MEAF6: variants seen among roughly 807,000 people sequenced by gnomAD.
MEAF6 encodes the protein chromatin modification-related protein MEAF6.
MEAF6 carries 15 observed loss-of-function variants against 28.9 expected under a neutral mutation model. The ratio of observed to expected loss-of-function variants is 0.52; its 90% CI spans 0.35 to 0.80. The LOEUF (loss-of-function observed/expected upper bound fraction) is 0.80, where lower values mean the gene tolerates loss of function less well. Among genes scored for constraint, MEAF6 ranks in the 30% least tolerant of loss-of-function variants. The pLI, the probability that MEAF6 is intolerant of heterozygous loss-of-function variation, is 0.01. For synonymous variants in MEAF6, 97 were observed against 88.7 expected (o/e 1.09, Z -0.53); for missense variants, 178 against 237.5 (o/e 0.75, Z 1.65).
At chr1:37,513,947 A>T in intron 1 of MEAF6, 1 of 219,160 alleles carries the variant, frequency 4.6e-6, no homozygotes, top group Non-Finnish European at 9.0e-6. Context: ...CAGGCTCAAG[A>T]GAGGCCGCCG....
intron 5 of MEAF6, chr1:37,496,506 A>G (rs1033877030): frequency 5.7e-6 from 6 of 1,060,742 alleles, no homozygotes; most frequent in Non-Finnish European, 7.7e-6. Flanking sequence ...ATAAAAGTGA[A>G]GTTTACTTAA....
chr1:37,510,871 T>C (rs542215228), intron 2 of MEAF6, among the ~76,000 whole-genome samples: 9 of 152,232 alleles, frequency 5.9e-5, no homozygotes, highest in South Asian at 4.2e-4. Context: ...TACAGGCATG[T>C]GCCACCACGT....
intron 2 of MEAF6, 96 bp downstream of exon 2, chr1:37,513,327 C>T: frequency 1.2e-6 from 1 of 844,962 alleles, no homozygotes; most frequent in South Asian, 1.5e-5. Flanking sequence ...CACTACTTTA[C>T]TACTGCCTCC....
intron 5 of MEAF6, chr1:37,496,483 G>T (rs1004307209): frequency 1.4e-4 from 118 of 849,848 alleles, no homozygotes; most frequent in Middle Eastern, 8.0e-4. Flanking sequence ...TATTTTAAAA[G>T]AAATTAAAAT....
At position 37,490,612 on chromosome 1, in the gene MEAF6, A is replaced by G. The variant is rs568403920; in HGVS notation, c.*3487T>C. Among the ~76,000 whole-genome samples the G allele has an allele frequency of 6.5e-4, 99 of 152,298 alleles. No individual in the cohort carries two copies. The highest frequency in any genetic ancestry group is 6.4e-3 in the Admixed American group (98 of 15,288). ...GCAGTGGCCATTCACAGAAATGATC[A>G]TAGCATACTGTAGCCTTGAACTTCT... On this transcript the variant is annotated 3_prime_UTR_variant, in exon 7 of 7. Transcript: ENST00000296214.
chr1:37,514,204 C>A (rs1161802222), intron 1 of MEAF6: 3 of 161,332 alleles, frequency 1.9e-5, no homozygotes, highest in Non-Finnish European at 1.3e-5. Context: ...GGATCTACTC[C>A]CAGTACCAAA....
At chr1:37,506,357 T>G (rs560064875) in intron 4 of MEAF6, among the ~76,000 whole-genome samples, 16 of 152,280 alleles carry the variant, frequency 1.1e-4, no homozygotes, top group African/African-American at 3.8e-4. Context: ...AACAAATATA[T>G]AAATTGGACT....
chr1:37,514,761 G>T lies in MEAF6; in HGVS notation c.-15C>A. ...TGCATCGCCATGTTGGGCTGAGGCG[G>T]GCGGCGGCGGCGCGAGGTTGGGGGC... On this transcript the variant is annotated 5_prime_UTR_variant, in exon 1 of 7. Transcript: ENST00000296214. 1 of 1,433,596 alleles carries T rather than the reference G, an allele frequency of 7.0e-7. No individual in the cohort carries two copies. The highest frequency in any genetic ancestry group is 9.2e-7 in the Non-Finnish European group (1 of 1,091,838). The allele number at this position is 1,433,596 out of a possible 1,614,324, so 88.8% of individuals were successfully genotyped here.
At chr1:37,510,276 T>G (rs1347154915) in intron 2 of MEAF6, among the ~76,000 whole-genome samples, 1 of 151,456 alleles carries the variant, frequency 6.6e-6, no homozygotes, top group Non-Finnish European at 1.5e-5. Flanking sequence ...AGAGACGGGA[T>G]TTCACCAAAT....
At chr1:37,502,635 T>A (rs1428043073) in intron 4 of MEAF6, among the ~76,000 whole-genome samples, 3 of 145,376 alleles carry the variant, frequency 2.1e-5, no homozygotes, top group African/African-American at 5.0e-5. Context: ...TTTTTTTTTT[T>A]AAGACAGGGT....
At chr1:37,511,980 A>G (rs1642684713) in intron 2 of MEAF6, among the ~76,000 whole-genome samples, 1 of 152,184 alleles carries the variant, frequency 6.6e-6, no homozygotes, top group Non-Finnish European at 1.5e-5. Context: ...ATAACTGGTT[A>G]GGTAGAAGAA....
intron 5 of MEAF6, among the ~76,000 whole-genome samples, chr1:37,499,777 G>GTA (rs1557606058): frequency 1.3e-5 from 2 of 152,206 alleles, no homozygotes; most frequent in Admixed American, 6.5e-5. Context: ...ATAGGAAGAA[G>GTA]TATTGTTCCT....
At chr1:37,510,302 C>A (rs530073236) in intron 2 of MEAF6, among the ~76,000 whole-genome samples, 2 of 149,540 alleles carry the variant, frequency 1.3e-5, no homozygotes, top group South Asian at 4.3e-4. Flanking sequence ...TGGCTGGTCT[C>A]GAACTCCTGA....
chr1:37,513,359 A>G (rs967181847), intron 2 of MEAF6, 64 bp downstream of exon 2: 46 of 1,272,536 alleles, frequency 3.6e-5, no homozygotes, highest in Non-Finnish European at 4.8e-5. Flanking sequence ...CACTAAGAGC[A>G]TACAGTCCTA....
intron 5 of MEAF6, chr1:37,496,676 C>T (rs749983461): frequency 3.2e-6 from 5 of 1,578,742 alleles, no homozygotes; most frequent in Non-Finnish European, 4.3e-6. Context: ...ACACTAAACA[C>T]AGCACAAATA....
chr1:37,501,733 T>C, intron 5 of MEAF6, 71 bp downstream of exon 5: 1 of 1,355,892 alleles, frequency 7.4e-7, no homozygotes, highest in Non-Finnish European at 9.8e-7. Flanking sequence ...TCCTAAAGAG[T>C]TTTTATTCTA....
At chr1:37,499,164 A>T (rs6698178) in intron 5 of MEAF6, among the ~76,000 whole-genome samples, 51,885 of 151,734 alleles carry the variant, frequency 0.34, 9,199 homozygotes, top group Admixed American at 0.41. Flanking sequence ...AAAAAAAAAA[A>T]TTTCATATTC....
intron 4 of MEAF6, among the ~76,000 whole-genome samples, chr1:37,508,021 A>G (rs1360483436): frequency 6.6e-6 from 1 of 152,166 alleles, no homozygotes; most frequent in African/African-American, 2.4e-5. Flanking sequence ...TACCTTCTGA[A>G]AGAAGTACAC....
intron 5 of MEAF6, among the ~76,000 whole-genome samples, chr1:37,496,961 T>C (rs529311770): frequency 1.3e-5 from 2 of 152,334 alleles, no homozygotes. Flanking sequence ...GAAAAAGTTA[T>C]TTCATTAGAA....
Sources: allele counts gnomAD v4.1 joint callset (sites outside exome capture counted in the v4.1 genomes callset), GRCh38; gene constraint gnomAD v4.1.1; transcripts MANE v1.5; gene names NCBI Gene and HGNC (gene_info 2026-07-23, HGNC 2026-07-21).